Variants in ROBO2 observed in about 807,000 individuals in gnomAD.
ROBO2 encodes the protein roundabout guidance receptor 2.
Under a neutral mutation model 160.8 loss-of-function variants are expected in ROBO2, and 53 were observed. The observed-to-expected ratio is 0.33, with a 90% confidence interval of 0.26 to 0.41. ROBO2 has a LOEUF of 0.41. Among genes scored for constraint, ROBO2 ranks in the 10% least tolerant of loss-of-function variants. The pLI is 1.00. For synonymous variants in ROBO2, 664 were observed against 611.7 expected, an observed-to-expected ratio of 1.09 and a Z score of -1.26; for missense variants, 1,577 against 1,722.4, an observed-to-expected ratio of 0.92 and a Z score of 1.49.
At chr3:77,006,535 A>G (rs1390553761) in intron 2 of ROBO2, among the ~76,000 whole-genome samples, 2 of 152,020 alleles carry the variant, frequency 1.3e-5, no homozygotes, top group African/African-American at 4.8e-5. Context: ...GTGAATGGGA[A>G]AAAAAGAAAC....
intron 2 of ROBO2, among the ~76,000 whole-genome samples, chr3:77,368,568 T>C (rs1318445544): frequency 6.6e-6 from 1 of 152,232 alleles, no homozygotes; most frequent in Non-Finnish European, 1.5e-5. Flanking sequence ...TATACTTTTC[T>C]GAATATACTA....
intron 8 of ROBO2, among the ~76,000 whole-genome samples, chr3:77,552,761 A>G (rs1008553042): frequency 3.9e-5 from 6 of 152,028 alleles, no homozygotes; most frequent in Non-Finnish European, 8.8e-5. Flanking sequence ...AACTATAAGA[A>G]CTAAATATGT....
intron 2 of ROBO2, among the ~76,000 whole-genome samples, chr3:75,984,572 T>C (rs2065362706): frequency 6.6e-6 from 1 of 151,456 alleles, no homozygotes; most frequent in Admixed American, 6.6e-5. Context: ...AGTCATTAAC[T>C]GGAATGAACA....
chr3:77,602,780 A>G (rs1047973412), intron 20 of ROBO2, among the ~76,000 whole-genome samples: 8 of 151,426 alleles, frequency 5.3e-5, no homozygotes, highest in African/African-American at 1.9e-4. Flanking sequence ...AATGATCAAC[A>G]ATCCATCTCT....
intron 19 of ROBO2, 91 bp from the exon 21 acceptor site, chr3:77,602,119 G>C (rs1176582498): frequency 7.6e-7 from 1 of 1,310,326 alleles, no homozygotes; most frequent in Non-Finnish European, 1.1e-6. Context: ...CAAACGTGCA[G>C]TGTGACACAC....
chr3:76,991,538 G>A (rs1007723610), intron 2 of ROBO2, among the ~76,000 whole-genome samples: 34 of 152,102 alleles, frequency 2.2e-4, no homozygotes, highest in Non-Finnish European at 4.3e-4. Flanking sequence ...GTTCCACAAC[G>A]CTGTTGTGTG....
At chr3:76,215,460 C>G (rs1703448404) in intron 2 of ROBO2, among the ~76,000 whole-genome samples, 3 of 152,080 alleles carry the variant, frequency 2.0e-5, no homozygotes, top group South Asian at 4.1e-4. Context: ...CAGAGAAGTC[C>G]TTAAAGGACC....
At chr3:76,206,495 G>A (rs1033216118) in intron 2 of ROBO2, among the ~76,000 whole-genome samples, 10 of 151,978 alleles carry the variant, frequency 6.6e-5, no homozygotes, top group African/African-American at 2.2e-4. Flanking sequence ...TGGGTCCAAC[G>A]TGCATATAGA....
intron 1 of ROBO2, among the ~76,000 whole-genome samples, chr3:77,075,388 T>C (rs2067862538): frequency 1.3e-5 from 2 of 152,116 alleles, no homozygotes; most frequent in Non-Finnish European, 2.9e-5. Flanking sequence ...GTGTTCCCTC[T>C]GTCACCGAGG....
intron 2 of ROBO2, among the ~76,000 whole-genome samples, chr3:77,425,094 A>G (rs2078057395): frequency 6.6e-6 from 1 of 151,956 alleles, no homozygotes; most frequent in Non-Finnish European, 1.5e-5. Context: ...AAATTGGTAA[A>G]TATTTTCTCT....
At chr3:76,500,099 A>G (rs1158631628) in intron 2 of ROBO2, among the ~76,000 whole-genome samples, 1 of 152,164 alleles carries the variant, frequency 6.6e-6, no homozygotes, top group Non-Finnish European at 1.5e-5. Context: ...GTGGGGGGAC[A>G]GTAAAAATAG....
chr3:76,805,060 A>C, intron 2 of ROBO2, among the ~76,000 whole-genome samples: 1 of 152,286 alleles, frequency 6.6e-6, no homozygotes, highest in South Asian at 2.1e-4. Context: ...AATGTGTTTT[A>C]AACATTTTCA....
intron 2 of ROBO2, among the ~76,000 whole-genome samples, chr3:76,699,792 G>T (rs1280868447): frequency 6.6e-6 from 1 of 152,092 alleles, no homozygotes; most frequent in Non-Finnish European, 1.5e-5. Context: ...TAACTTTGCA[G>T]CTAACACTGA....
intron 2 of ROBO2, among the ~76,000 whole-genome samples, chr3:76,629,210 C>G (rs1430082431): frequency 6.6e-6 from 1 of 152,092 alleles, no homozygotes. Flanking sequence ...GAGAGTAAAT[C>G]CACCCAAAAT....
At chr3:76,348,422 G>T (rs1022296500) in intron 2 of ROBO2, among the ~76,000 whole-genome samples, 1 of 152,100 alleles carries the variant, frequency 6.6e-6, no homozygotes, top group African/African-American at 2.4e-5. Context: ...AAAGATATAG[G>T]TTAAAGTGCA....
chr3:77,494,069 A>G (rs893660635), intron 5 of ROBO2, among the ~76,000 whole-genome samples: 33 of 152,286 alleles, frequency 2.2e-4, no homozygotes, highest in African/African-American at 7.7e-4. Flanking sequence ...ACTTGTTGTT[A>G]TAGAAATTTC....
intron 2 of ROBO2, among the ~76,000 whole-genome samples, chr3:76,216,458 G>A (rs1226137692): frequency 6.6e-6 from 1 of 152,164 alleles, no homozygotes; most frequent in African/African-American, 2.4e-5. Flanking sequence ...TAAAGGGATG[G>A]AGGAAGATCT....
At chr3:76,329,718 T>C (rs2073336861) in intron 2 of ROBO2, among the ~76,000 whole-genome samples, 2 of 152,234 alleles carry the variant, frequency 1.3e-5, no homozygotes, top group South Asian at 4.1e-4. Context: ...TAGACTGTTT[T>C]CTAAAAAATA....
chr3:76,713,077 TCC>T lies in ROBO2; in HGVS notation c.110-384936_110-384935del, dbSNP rs141466185. 1.0e-3 allele frequency among the ~76,000 whole-genome samples: 155 copies of T among 152,314 alleles called. No homozygotes were observed. In the Middle Eastern group the frequency reaches 0.01, roughly 10 times the overall value. On this transcript the variant is annotated intron_variant, in intron 2 of 26. Coordinates refer to the ROBO2 transcript ENST00000487694. ...ATTGTCTTTTAAAAACTGACGTTTT[TCC>T]AAAATTGCCTGATTTGGAGCTACTT... is the stretch of plus-strand genomic sequence containing the variant.
Sources: allele counts gnomAD v4.1 joint callset (sites outside exome capture counted in the v4.1 genomes callset), GRCh38; gene constraint gnomAD v4.1.1; transcripts MANE v1.5; gene names NCBI Gene and HGNC (gene_info 2026-07-23, HGNC 2026-07-21).